SIPA1L1: variants seen among roughly 807,000 people sequenced by gnomAD.
SIPA1L1 encodes the protein signal induced proliferation associated 1 like 1.
A neutral mutation model predicts 162.7 loss-of-function variants in SIPA1L1; 26 were observed. That is an observed-to-expected ratio of 0.16 (90% CI 0.12 to 0.22). The LOEUF is 0.22. SIPA1L1 is among the 10% of genes least tolerant of loss of function. The pLI is 1.00. For synonymous variants in SIPA1L1, 829 were observed against 837.4 expected, an observed-to-expected ratio of 0.99 and a Z score of 0.17; for missense variants, 1,874 against 2,241.0, an observed-to-expected ratio of 0.84 and a Z score of 3.31.
chr14:71,332,684 G>C (rs1178825683), intron 2 of SIPA1L1, among the ~76,000 whole-genome samples: 9 of 152,002 alleles, frequency 5.9e-5, no homozygotes, highest in Non-Finnish European at 1.2e-4. Flanking sequence ...ACTAGTCCTG[G>C]GTTTGATATT....
chr14:71,409,165 G>A (rs1272402601), intron 2 of SIPA1L1, among the ~76,000 whole-genome samples: 1 of 152,096 alleles, frequency 6.6e-6, no homozygotes, highest in East Asian at 1.9e-4. Context: ...TGCCCATTTG[G>A]GCTCTGTAAA....
chr14:71,679,961 T>C (rs963524571), intron 12 of SIPA1L1, among the ~76,000 whole-genome samples: 3 of 152,184 alleles, frequency 2.0e-5, no homozygotes, highest in Non-Finnish European at 2.9e-5. Flanking sequence ...CAAAGAGACT[T>C]AGACTCCCAC....
chr14:71,725,435 T>C (rs149036276), intron 19 of SIPA1L1, among the ~76,000 whole-genome samples: 53 of 152,340 alleles, frequency 3.5e-4, no homozygotes, highest in African/African-American at 1.3e-3. Context: ...CTCTCTTGAC[T>C]TCATAAAGCC....
At chr14:71,442,709 C>T (rs148294894) in intron 2 of SIPA1L1, among the ~76,000 whole-genome samples, 2,622 of 152,130 alleles carry the variant, frequency 0.017, 31 homozygotes, top group Non-Finnish European at 0.024. Context: ...GGGAGGATTG[C>T]GTAAGCTTAG....
intron 7 of SIPA1L1, among the ~76,000 whole-genome samples, chr14:71,639,349 G>A (rs1243723901): frequency 6.6e-6 from 1 of 152,174 alleles, no homozygotes; most frequent in Non-Finnish European, 1.5e-5. Flanking sequence ...TTTCAAGGCT[G>A]CCATGAGCTA....
chr14:71,731,294 GCTC>G (rs1196635549), intron 20 of SIPA1L1, among the ~76,000 whole-genome samples: 1 of 151,812 alleles, frequency 6.6e-6, no homozygotes, highest in Non-Finnish European at 1.5e-5. Context: ...CACCCACCCT[GCTC>G]GCCCCAAGGA....
At chr14:71,390,798 C>G (rs573723076) in intron 2 of SIPA1L1, among the ~76,000 whole-genome samples, 252 of 151,970 alleles carry the variant, frequency 1.7e-3, no homozygotes, top group Non-Finnish European at 3.0e-3. Context: ...AAAACAAAAG[C>G]AAAAACAAAA....
At chr14:71,590,166 A>G (rs1210168255) in intron 5 of SIPA1L1, among the ~76,000 whole-genome samples, 1 of 150,986 alleles carries the variant, frequency 6.6e-6, no homozygotes, top group Non-Finnish European at 1.5e-5. Flanking sequence ...AAGAAAGACC[A>G]TTGTGATTTA....
chr14:71,623,832 T>G (rs977451787), intron 6 of SIPA1L1, among the ~76,000 whole-genome samples: 6 of 152,204 alleles, frequency 3.9e-5, no homozygotes, highest in African/African-American at 1.4e-4. Context: ...ATGTGCTCCT[T>G]TGGACCCACC....
intron 2 of SIPA1L1, among the ~76,000 whole-genome samples, chr14:71,322,706 G>T (rs1360064679): frequency 2.0e-5 from 3 of 152,240 alleles, no homozygotes. Flanking sequence ...TTTGGGGGAT[G>T]AATGGCTTTA....
chr14:71,324,936 T>G (rs1215337403), intron 2 of SIPA1L1, among the ~76,000 whole-genome samples: 3 of 151,900 alleles, frequency 2.0e-5, no homozygotes, highest in African/African-American at 7.3e-5. Context: ...CTGTTGAAAA[T>G]GGGACTGATT....
chr14:71,553,595 T>A (rs1204143931), intron 4 of SIPA1L1, among the ~76,000 whole-genome samples: 1 of 152,202 alleles, frequency 6.6e-6, no homozygotes, highest in African/African-American at 2.4e-5. Context: ...ATGCTAACAG[T>A]ATAATTTGAA....
chr14:71,360,409 G>A (rs911194147), intron 2 of SIPA1L1, among the ~76,000 whole-genome samples: 1 of 152,124 alleles, frequency 6.6e-6, no homozygotes, highest in African/African-American at 2.4e-5. Context: ...AAGCTTACAC[G>A]ACCTGCCCAG....
At chr14:71,690,268 T>G (rs2081161841) in intron 13 of SIPA1L1, among the ~76,000 whole-genome samples, 1 of 152,140 alleles carries the variant, frequency 6.6e-6, no homozygotes, top group South Asian at 2.1e-4. Flanking sequence ...TATTTTTTTT[T>G]TGTGACAGGG....
chr14:71,560,397 T>C lies in SIPA1L1; in HGVS notation c.-302-27174T>C, dbSNP rs139643363. 8.5e-3 allele frequency among the ~76,000 whole-genome samples: 1,298 copies of C among 152,288 alleles called. 46 individuals are homozygous for C. Among genetic ancestry groups the C allele is most frequent in the Admixed American group, 0.062 (955 of 15,294 alleles). On this transcript the variant is annotated intron_variant, in intron 4 of 23. Transcript: ENST00000381232. ...GTTGGTATCTTTCCTCATGCTAGTCTTATGAATGATAAGATGGCTGTTGCT... is the reference window on the plus strand; with the variant it reads ...GTTGGTATCTTTCCTCATGCTAGTCCTATGAATGATAAGATGGCTGTTGCT...
Position 71,624,033 on chromosome 14 carries a change from C to A in SIPA1L1, c.1630-15C>A. ...CATCCCAGAAGCCTCACCACAGCAC[C>A]TGTCTCTCTTGCAGCTCATGACACT... On this transcript the variant is annotated splice_polypyrimidine_tract_variant and intron_variant, in intron 6 of 23. Coordinates refer to ENST00000381232, the MANE Select transcript of SIPA1L1 (RefSeq NM_001386936.1). 6.3e-7 allele frequency: 1 copy of A among 1,582,702 alleles called. No homozygotes were observed. Among genetic ancestry groups the A allele is most frequent in the South Asian group, 1.2e-5 (1 of 85,888 alleles).
At chr14:71,595,461 C>T (rs1403429838) in intron 5 of SIPA1L1, among the ~76,000 whole-genome samples, 1 of 152,204 alleles carries the variant, frequency 6.6e-6, no homozygotes, top group African/African-American at 2.4e-5. Flanking sequence ...AAATTTGATG[C>T]TCAACTATAC....
chr14:71,531,100 CTG>C lies in SIPA1L1; in HGVS notation c.-303+1732_-303+1733del, dbSNP rs562724362. On this transcript the variant is annotated intron_variant, in intron 4 of 23. Transcript: ENST00000381232. ...ATTGGCCTACCATTGAGTTCACTCT[CTG>C]TATCTACTTCTACACTCCTGTGCAG... 6.6e-5 allele frequency among the ~76,000 whole-genome samples: 10 copies of C among 152,260 alleles called. No individual in the cohort carries two copies. In the South Asian group the frequency reaches 8.3e-4, roughly 13 times the overall value.
At chr14:71,372,723 C>T (rs1186799971) in intron 2 of SIPA1L1, among the ~76,000 whole-genome samples, 1 of 152,048 alleles carries the variant, frequency 6.6e-6, no homozygotes, top group Non-Finnish European at 1.5e-5. Flanking sequence ...CAAGTTATAG[C>T]CATAAACACT....
Sources: gnomAD v4.1 joint callset for allele counts (sites outside exome capture counted in the v4.1 genomes callset) on GRCh38, gnomAD v4.1.1 for gene constraint, MANE v1.5 for transcripts, NCBI Gene and HGNC (gene_info 2026-07-23, HGNC 2026-07-21) for gene names.